The following ACAP2 variants were observed in gnomAD, a reference collection of about 807,000 sequenced individuals.
The protein encoded by ACAP2 is arf-GAP with coiled-coil, ANK repeat and PH domain-containing protein 2.
ACAP2 carries 39 observed loss-of-function variants against 115.8 expected under a neutral mutation model. The ratio of observed to expected loss-of-function variants is 0.34; its 90% CI spans 0.26 to 0.44. ACAP2 has a LOEUF of 0.44. Among genes scored for constraint, ACAP2 ranks in the 20% least tolerant of loss-of-function variants. ACAP2 has a pLI of 1.00. For synonymous variants in ACAP2, 289 were observed against 315.8 expected (o/e 0.92, Z 0.90); for missense variants, 662 against 927.6 (o/e 0.71, Z 3.72).
At chr3:195,294,605 A>T (rs58267282) in intron 18 of ACAP2, 114 bp downstream of exon 18, 1,979 of 88,784 alleles carry the variant, frequency 0.022, 55 homozygotes, top group African/African-American at 0.091. Context: ...AAAAAAAAAA[A>T]AAATTATATA....
intron 7 of ACAP2, among the ~76,000 whole-genome samples, chr3:195,334,098 A>C (rs1396191974): frequency 1.3e-5 from 2 of 152,108 alleles, no homozygotes; most frequent in Non-Finnish European, 2.9e-5. Context: ...TAAATGAATA[A>C]TACTGAAAAA....
intron 1 of ACAP2, among the ~76,000 whole-genome samples, chr3:195,429,368 G>C (rs1307638081): frequency 7.0e-4 from 83 of 118,138 alleles, no homozygotes; most frequent in African/African-American, 2.7e-3. Context: ...AAAAGAGCAA[G>C]ACTCCATCTC....
intron 4 of ACAP2, among the ~76,000 whole-genome samples, chr3:195,361,888 C>A (rs1170229652): frequency 6.6e-6 from 1 of 152,124 alleles, no homozygotes; most frequent in Non-Finnish European, 1.5e-5. Flanking sequence ...CTACTATGAA[C>A]AACTATGCAC....
At chr3:195,304,091 G>A (rs1728249077) in intron 13 of ACAP2, among the ~76,000 whole-genome samples, 1 of 137,530 alleles carries the variant, frequency 7.3e-6, no homozygotes, top group South Asian at 2.4e-4. Context: ...TTGAACCTGG[G>A]AGGTGGAAGT....
chr3:195,330,969 G>T (rs1161727429), intron 8 of ACAP2, among the ~76,000 whole-genome samples: 1 of 152,150 alleles, frequency 6.6e-6, no homozygotes, highest in Non-Finnish European at 1.5e-5. Flanking sequence ...ACATAAGCCT[G>T]CACTCCTGCT....
chr3:195,281,689 ACC>A (rs950330980), intron 22 of ACAP2, among the ~76,000 whole-genome samples: 3 of 152,220 alleles, frequency 2.0e-5, no homozygotes, highest in South Asian at 4.1e-4. Flanking sequence ...ATCCAATTAT[ACC>A]CATGGTTTTG....
intron 4 of ACAP2, among the ~76,000 whole-genome samples, chr3:195,345,911 G>T (rs2108656762): frequency 6.6e-6 from 1 of 152,220 alleles, no homozygotes; most frequent in South Asian, 2.1e-4. Flanking sequence ...TAACACAGAT[G>T]GCTCTGTGTA....
rs781355411 is a variant in ACAP2, at chr3:195,295,726, C to T, written c.1654G>A (p.Ala552Thr). 1.9e-6 allele frequency: 3 copies of T among 1,614,120 alleles called. No individual in the cohort carries two copies. The highest frequency in any genetic ancestry group is 2.5e-6 in the Non-Finnish European group (3 of 1,179,996). ...GCCATACCTGAACTTTGGGCAGATG[C>T]TCTGACTTGGTCCCCTGGCCCAAAT... ...SKFGPGDQVR[A>T]SAQSSVRSND... The change falls in exon 17 of 23, where the codon GCA becomes ACA. Residue 552 changes from alanine to threonine, a missense_variant. Around this residue, in one of 3 missense-constraint regions of ACAP2, gnomAD observed 133 missense variants for 123.1 expected, o/e 1.08. Coordinates refer to ENST00000326793, the MANE Select transcript of ACAP2 (RefSeq NM_012287.6).
chr3:195,286,719 T>C (rs1372302526), intron 21 of ACAP2, among the ~76,000 whole-genome samples: 1 of 152,238 alleles, frequency 6.6e-6, no homozygotes, highest in Non-Finnish European at 1.5e-5. Context: ...CCTTTGGCAT[T>C]TGGGTTTTCA....
At chr3:195,424,806 A>T (rs1714536405) in intron 1 of ACAP2, among the ~76,000 whole-genome samples, 1 of 149,328 alleles carries the variant, frequency 6.7e-6, no homozygotes, top group Non-Finnish European at 1.5e-5. Context: ...AGTCCCAGCT[A>T]TTCAAGAGGC....
intron 1 of ACAP2, among the ~76,000 whole-genome samples, chr3:195,426,754 C>T (rs1028639070): frequency 1.3e-5 from 2 of 152,134 alleles, no homozygotes; most frequent in Non-Finnish European, 2.9e-5. Context: ...AAAATTTGCA[C>T]TATGATTATA....
intron 22 of ACAP2, chr3:195,285,530 G>T: frequency 2.7e-6 from 1 of 369,824 alleles, no homozygotes; most frequent in Non-Finnish European, 4.8e-6. Flanking sequence ...AAATAAAGAA[G>T]TCAGCAGCCA....
chr3:195,439,615 G>GT (rs1232487411), intron 1 of ACAP2, among the ~76,000 whole-genome samples: 1 of 151,040 alleles, frequency 6.6e-6, no homozygotes, highest in African/African-American at 2.4e-5. Context: ...TACATTTTGG[G>GT]TTTTTTTGTT....
rs1728482959 is a variant in ACAP2 at position 195,307,254 on chromosome 3, G to A, written c.979C>T (p.Arg327Ter). 5 of 1,613,244 alleles carry A rather than the reference G, an allele frequency of 3.1e-6. No homozygotes were observed. Among genetic ancestry groups the A allele is most frequent in the African/African-American group, 2.7e-5 (2 of 74,900 alleles). The change falls in exon 12 of 23, where the codon CGA (arginine) becomes TGA (stop). Residue 327 changes from arginine to a stop codon, truncating the protein, a stop_gained. Coordinates refer to ENST00000326793, the MANE Select transcript of ACAP2 (RefSeq NM_012287.6). LOFTEE classifies it high-confidence loss of function. ...TVKHCEDIER[R>*]FCFEVVSPTK... ...GGCGAGACCACCTCAAAGCAGAATCGTCGCTCTATGTCTTCACAATGTTTC... is the reference window on the plus strand; with the variant it reads ...GGCGAGACCACCTCAAAGCAGAATCATCGCTCTATGTCTTCACAATGTTTC...
intron 1 of ACAP2, among the ~76,000 whole-genome samples, chr3:195,408,237 G>A (rs1712955133): frequency 1.3e-5 from 2 of 152,104 alleles, no homozygotes; most frequent in South Asian, 4.1e-4. Flanking sequence ...CAAGGCAGGC[G>A]GTCTGCTTTC....
At chr3:195,289,810 A>G (rs1050882485) in intron 20 of ACAP2, among the ~76,000 whole-genome samples, 9 of 151,574 alleles carry the variant, frequency 5.9e-5, no homozygotes, top group Non-Finnish European at 1.5e-5. Flanking sequence ...TCTCAAAAAA[A>G]AAAAAAAAAA....
chr3:195,405,815 C>T (rs1385911360), intron 1 of ACAP2, among the ~76,000 whole-genome samples: 1 of 152,136 alleles, frequency 6.6e-6, no homozygotes, highest in East Asian at 1.9e-4. Flanking sequence ...CAAATCACGG[C>T]AGAAGGCAAA....
intron 2 of ACAP2, among the ~76,000 whole-genome samples, chr3:195,384,651 C>T (rs1272567988): frequency 2.6e-5 from 4 of 151,976 alleles, no homozygotes; most frequent in Non-Finnish European, 2.9e-5. Flanking sequence ...TGCCTGAACC[C>T]GGGAAGCAGA....
At position 195,442,989 on chromosome 3, in the gene ACAP2, T is replaced by A. The variant is rs551373255; in HGVS notation, c.-142A>T. On this transcript the variant is annotated 5_prime_UTR_variant, in exon 1 of 23. The change abolishes an upstream ATG in the 5' untranslated region. Coordinates refer to ENST00000326793, the MANE Select transcript of ACAP2 (RefSeq NM_012287.6). ...CGAAGGGCGCCTCGCCCGCTGGTCA[T>A]AGCAGCCGCGAAGACGGCGACGACT... The A allele has an allele frequency of 2.9e-6, 2 of 680,340 alleles. No homozygotes were observed. Among genetic ancestry groups the A allele is most frequent in the Non-Finnish European group, 2.3e-6 (1 of 442,902 alleles). 42.1% of individuals were successfully genotyped at this position (680,340 alleles called of 1,614,324 possible). A position where few individuals can be genotyped will look rare whatever the true frequency, so the allele number is the denominator to read the frequency against.
Sources: allele counts gnomAD v4.1 joint callset (sites outside exome capture counted in the v4.1 genomes callset), GRCh38; gene constraint gnomAD v4.1.1; regional missense constraint gnomAD v4.1.1; transcripts MANE v1.5; gene names NCBI Gene and HGNC (gene_info 2026-07-23, HGNC 2026-07-21).